Variants in NRG1 observed in about 807,000 individuals in gnomAD.
NRG1 encodes the protein pro-neuregulin-1, membrane-bound isoform.
A neutral mutation model predicts 63.8 loss-of-function variants in NRG1; 18 were observed. The observed-to-expected ratio is 0.28, with a 90% CI of 0.19 to 0.42. The LOEUF (loss-of-function observed/expected upper bound fraction) is 0.42. Among genes scored for constraint, NRG1 ranks in the 10% least tolerant of loss-of-function variants. The probability of loss-of-function intolerance (pLI) is 1.00; values close to 1 mark genes in which losing one functional copy is unlikely to be tolerated. For synonymous variants in NRG1, 302 were observed against 301.3 expected (o/e 1.00, Z -0.02); for missense variants, 762 against 814.7 (o/e 0.94, Z 0.79).
intron 1 of NRG1, among the ~76,000 whole-genome samples, chr8:32,526,392 T>C (rs1588118564): frequency 6.6e-6 from 1 of 152,320 alleles, no homozygotes; most frequent in African/African-American, 2.4e-5. Flanking sequence ...GCCAACAAAA[T>C]AGAAGTCACT....
At chr8:32,088,063 A>G (rs1281627729) in intron 1 of NRG1, among the ~76,000 whole-genome samples, 1 of 152,096 alleles carries the variant, frequency 6.6e-6, no homozygotes, top group Non-Finnish European at 1.5e-5. Flanking sequence ...TGCGAATACC[A>G]TCTCCTCTAG....
chr8:32,660,921 G>A (rs1032857379), intron 5 of NRG1, among the ~76,000 whole-genome samples: 2 of 152,186 alleles, frequency 1.3e-5, no homozygotes, highest in Admixed American at 1.3e-4. Context: ...CAGGCTTCAG[G>A]AAAGGGCCAG....
chr8:32,385,373 A>C (rs944259510), intron 1 of NRG1, among the ~76,000 whole-genome samples: 11 of 152,108 alleles, frequency 7.2e-5, no homozygotes, highest in African/African-American at 2.4e-4. Context: ...GAGGCAAAAC[A>C]ACCAACAGCA....
chr8:31,939,519 A>G (rs1335176704), intron 1 of NRG1, among the ~76,000 whole-genome samples: 1 of 152,012 alleles, frequency 6.6e-6, no homozygotes, highest in Non-Finnish European at 1.5e-5. Context: ...AAAAAACCCA[A>G]CTTATTCAGG....
At chr8:31,818,710 C>A (rs1823691580) in intron 1 of NRG1, among the ~76,000 whole-genome samples, 1 of 152,138 alleles carries the variant, frequency 6.6e-6, no homozygotes, top group African/African-American at 2.4e-5. Flanking sequence ...CTAACAAGAC[C>A]ATTCACCGGT....
intron 1 of NRG1, among the ~76,000 whole-genome samples, chr8:31,733,001 A>G (rs1814256100): frequency 6.6e-6 from 1 of 152,108 alleles, no homozygotes; most frequent in African/African-American, 2.4e-5. Context: ...CTATCTTTTT[A>G]TACTCTGTGT....
chr8:32,686,118 C>T (rs1810042769), intron 5 of NRG1, among the ~76,000 whole-genome samples: 1 of 152,074 alleles, frequency 6.6e-6, no homozygotes, highest in Non-Finnish European at 1.5e-5. Context: ...GTTATTAAAC[C>T]TCATTAGTTT....
At chr8:31,925,724 T>C (rs1260444476) in intron 1 of NRG1, among the ~76,000 whole-genome samples, 2 of 149,134 alleles carry the variant, frequency 1.3e-5, no homozygotes, top group African/African-American at 2.5e-5. Flanking sequence ...TCTTCTTCTG[T>C]GTCAATTCTG....
chr8:32,158,448 G>GATAGATAGATATATATATATATATATAT (rs1491221971), intron 1 of NRG1, among the ~76,000 whole-genome samples: 27 of 62,184 alleles, frequency 4.3e-4, no homozygotes, highest in Non-Finnish European at 8.6e-4. Context: ...TGGTTTACAT[G>GATAGATAGATATATATATATATATATAT]ATATATATAT....
chr8:32,757,543 G>GTGCT (rs1489656469), intron 9 of NRG1, among the ~76,000 whole-genome samples: 2 of 152,160 alleles, frequency 1.3e-5, no homozygotes, highest in Non-Finnish European at 1.5e-5. Flanking sequence ...TTGGAGCAAG[G>GTGCT]TGCTTATAGG....
intron 1 of NRG1, among the ~76,000 whole-genome samples, chr8:32,206,694 T>C (rs1844101342): frequency 6.6e-6 from 1 of 152,212 alleles, no homozygotes; most frequent in Non-Finnish European, 1.5e-5. Context: ...TACATGGATG[T>C]ATTGTGTAAT....
chr8:32,037,686 AAAG>A (rs1819293698), intron 1 of NRG1, among the ~76,000 whole-genome samples: 1 of 152,190 alleles, frequency 6.6e-6, no homozygotes, highest in Non-Finnish European at 1.5e-5. Flanking sequence ...GGTTCTGCTT[AAAG>A]AAGCAGTCTG....
At chr8:32,330,600 A>G (rs1802530180) in intron 1 of NRG1, among the ~76,000 whole-genome samples, 2 of 152,202 alleles carry the variant, frequency 1.3e-5, no homozygotes. Flanking sequence ...GCCCCTAGGC[A>G]TTCATAAGTC....
intron 5 of NRG1, among the ~76,000 whole-genome samples, chr8:32,689,420 A>C (rs1411233868): frequency 6.6e-6 from 1 of 152,138 alleles, no homozygotes; most frequent in Non-Finnish European, 1.5e-5. Context: ...TGCTTCTAGA[A>C]CTAAACTTGG....
intron 1 of NRG1, among the ~76,000 whole-genome samples, chr8:32,340,801 G>T (rs1180096036): frequency 6.6e-6 from 1 of 152,166 alleles, no homozygotes; most frequent in East Asian, 1.9e-4. Context: ...TATATCAGGG[G>T]TCAGCAAATG....
chr8:32,092,461 C>CAAA (rs71208167), intron 1 of NRG1, among the ~76,000 whole-genome samples: 5,308 of 83,394 alleles, frequency 0.064, 213 homozygotes, highest in Non-Finnish European at 0.091. Context: ...GACCCTGTCT[C>CAAA]AAAAAAAAAA....
At chr8:32,102,428 G>A (rs989742965) in intron 1 of NRG1, among the ~76,000 whole-genome samples, 2 of 152,120 alleles carry the variant, frequency 1.3e-5, no homozygotes, top group Non-Finnish European at 1.5e-5. Flanking sequence ...GTAAGCCACT[G>A]ATCCCAGCCT....
intron 1 of NRG1, among the ~76,000 whole-genome samples, chr8:32,177,570 T>C (rs1026960799): frequency 6.6e-6 from 1 of 151,960 alleles, no homozygotes; most frequent in African/African-American, 2.4e-5. Flanking sequence ...CAGGCCCTGA[T>C]GTGTAATGTT....
intron 5 of NRG1, among the ~76,000 whole-genome samples, chr8:32,638,385 T>A (rs554655579): frequency 6.6e-6 from 1 of 152,178 alleles, no homozygotes; most frequent in African/African-American, 2.4e-5. Context: ...ATAAAAAAAA[T>A]TTAAATCTAA....
Sources: allele counts gnomAD v4.1 joint callset (sites outside exome capture counted in the v4.1 genomes callset), GRCh38; gene constraint gnomAD v4.1.1; transcripts MANE v1.5; gene names NCBI Gene and HGNC (gene_info 2026-07-23, HGNC 2026-07-21).